The following GALNT18 variants were observed in gnomAD, a reference collection of about 807,000 sequenced individuals.
GALNT18 encodes polypeptide N-acetylgalactosaminyltransferase 18.
Under a neutral mutation model 69.5 loss-of-function variants are expected in GALNT18, and 44 were observed. The ratio of observed to expected loss-of-function variants is 0.63; its 90% confidence interval spans 0.50 to 0.81. GALNT18 has a LOEUF of 0.81. Ranked by LOEUF, GALNT18 falls within the 40% of genes least tolerant of loss-of-function variation. GALNT18 has a pLI of 0.00. For synonymous variants in GALNT18, 364 were observed against 318.2 expected (o/e 1.14, Z -1.53); for missense variants, 715 against 810.0 (o/e 0.88, Z 1.42).
At chr11:11,346,682 G>A (rs1466588809) in intron 6 of GALNT18, among the ~76,000 whole-genome samples, 1 of 152,064 alleles carries the variant, frequency 6.6e-6, no homozygotes, top group Non-Finnish European at 1.5e-5. Context: ...GGAGCTGCTG[G>A]GACCACCTCC....
At position 11,597,767 on chromosome 11, in the gene GALNT18, T is replaced by C. The variant is rs546915561; in HGVS notation, c.235+23592A>G. ...GCTCCACCTCCCAGGTTCATAGCAT[T>C]CTCCTGCCTCAGCCTCCTGAGTAGC... On this transcript the variant is annotated intron_variant, in intron 1 of 10. Transcript: ENST00000227756. 8.6e-5 allele frequency among the ~76,000 whole-genome samples: 13 copies of C among 151,978 alleles called. 1 individual carries two copies. The highest frequency in any genetic ancestry group is 6.6e-4 in the Admixed American group (10 of 15,264).
intron 1 of GALNT18, among the ~76,000 whole-genome samples, chr11:11,478,822 T>C (rs566353500): frequency 6.6e-6 from 1 of 151,376 alleles, no homozygotes; most frequent in South Asian, 2.1e-4. Context: ...CTATGTGAAT[T>C]TGGCCAACAG....
chr11:11,615,567 C>T (rs905460309), intron 1 of GALNT18, among the ~76,000 whole-genome samples: 5 of 152,142 alleles, frequency 3.3e-5, no homozygotes, highest in Admixed American at 2.6e-4. Flanking sequence ...GATTTATTTA[C>T]TCTCCTGAAT....
At chr11:11,549,035 A>C (rs1304663623) in intron 1 of GALNT18, among the ~76,000 whole-genome samples, 1 of 152,230 alleles carries the variant, frequency 6.6e-6, no homozygotes, top group Admixed American at 6.5e-5. Flanking sequence ...GTGCCTATGT[A>C]ACTACAGTAT....
chr11:11,582,881 A>G lies in GALNT18; in HGVS notation c.235+38478T>C, dbSNP rs1418329786. 6.6e-6 allele frequency among the ~76,000 whole-genome samples: 1 copy of G among 152,170 alleles called. No homozygotes were observed. The highest frequency in any genetic ancestry group is 6.5e-5 in the Admixed American group (1 of 15,282). ...GCACCTCTTTCTCCAACTCCTCACC[A>G]CAGCCACAGAGCACAGCCACTGCCA... On this transcript the variant is annotated intron_variant, in intron 1 of 10. Transcript: ENST00000227756. This position sits in a 1 kb window ranked among gnomAD's most constrained non-coding sequence, Gnocchi z 5.0.
intron 10 of GALNT18, among the ~76,000 whole-genome samples, chr11:11,272,705 C>T (rs1054323282): frequency 3.3e-5 from 5 of 152,196 alleles, no homozygotes; most frequent in South Asian, 2.1e-4. Context: ...TCAACTCCTC[C>T]ATTTCCTCCA....
intron 3 of GALNT18, among the ~76,000 whole-genome samples, chr11:11,410,636 G>C (rs1854705677): frequency 6.6e-6 from 1 of 152,158 alleles, no homozygotes; most frequent in Non-Finnish European, 1.5e-5. Flanking sequence ...AGTTTTCAAT[G>C]ACACACCTGA....
chr11:11,602,260 C>T lies in GALNT18; in HGVS notation c.235+19099G>A, dbSNP rs937294685. ...TGTCTCTCCTGTTATGAAACCTCCA[C>T]CCTACATGTGAGCCAGGGATAGGGG... On this transcript the variant is annotated intron_variant, in intron 1 of 10. Transcript: ENST00000227756. This position sits in a 1 kb window ranked among gnomAD's most constrained non-coding sequence, Gnocchi z 4.7. Among the ~76,000 whole-genome samples the T allele has an allele frequency of 3.9e-5, 6 of 152,134 alleles. No homozygotes were observed. Among genetic ancestry groups the T allele is most frequent in the Admixed American group, 2.0e-4 (3 of 15,274 alleles).
chr11:11,499,137 T>C (rs1054614536), intron 1 of GALNT18, among the ~76,000 whole-genome samples: 2 of 152,180 alleles, frequency 1.3e-5, no homozygotes, highest in African/African-American at 4.8e-5. Flanking sequence ...TCAGCTTTAT[T>C]ATATGATCAG....
intron 10 of GALNT18, among the ~76,000 whole-genome samples, chr11:11,283,450 T>C (rs1026567699): frequency 2.0e-5 from 3 of 152,178 alleles, no homozygotes; most frequent in Admixed American, 6.5e-5. Flanking sequence ...TTAATCTGAA[T>C]GACAGGGCCA....
rs898162584 is a variant in GALNT18, at chr11:11,480,945, T to C, written c.236-32009A>G. ...ACCTACAGCCCTGGGCAACCTCATG[T>C]GACTGGGGAGCCCTTCTTTGTGGAC... On this transcript the variant is annotated intron_variant, in intron 1 of 10. Coordinates refer to ENST00000227756, the MANE Select transcript of GALNT18 (RefSeq NM_198516.3). This position sits in a 1 kb window ranked among gnomAD's most constrained non-coding sequence, Gnocchi z 4.6. 4.6e-5 allele frequency among the ~76,000 whole-genome samples: 7 copies of C among 152,214 alleles called. No individual in the cohort carries two copies. The highest frequency in any genetic ancestry group is 1.7e-4 in the African/African-American group (7 of 41,458).
chr11:11,323,554 C>T (rs779732572), intron 9 of GALNT18, among the ~76,000 whole-genome samples: 20 of 152,234 alleles, frequency 1.3e-4, no homozygotes, highest in Non-Finnish European at 1.5e-4. Context: ...GGCCCTGGCC[C>T]TTAGGCTAGA....
At chr11:11,557,536 T>C (rs1180228640) in intron 1 of GALNT18, among the ~76,000 whole-genome samples, 1 of 152,176 alleles carries the variant, frequency 6.6e-6, no homozygotes, top group Non-Finnish European at 1.5e-5. Flanking sequence ...CTCAGTTTCC[T>C]CATCTGAAAA....
chr11:11,537,771 A>G (rs1337171698), intron 1 of GALNT18, among the ~76,000 whole-genome samples: 1 of 152,210 alleles, frequency 6.6e-6, no homozygotes, highest in Non-Finnish European at 1.5e-5. Context: ...AATAAAAGGG[A>G]GCATAACCCA....
intron 1 of GALNT18, among the ~76,000 whole-genome samples, chr11:11,534,471 C>G (rs1000288107): frequency 3.3e-5 from 5 of 152,214 alleles, no homozygotes; most frequent in African/African-American, 1.2e-4. Context: ...AGACCCTGTG[C>G]TGGATGCTGC....
At chr11:11,292,992 G>C in intron 10 of GALNT18, 37 bp downstream of exon 10, 1 of 1,334,156 alleles carries the variant, frequency 7.5e-7, no homozygotes, top group Non-Finnish European at 9.7e-7. Flanking sequence ...GGTTTTCCAC[G>C]ATGGCTGCCA....
In GALNT18 at chr11:11,562,346, A is replaced by G. The variant is rs1460097017; in HGVS notation, c.235+59013T>C. On this transcript the variant is annotated intron_variant, in intron 1 of 10. Transcript: ENST00000227756. This position sits in a 1 kb window ranked among gnomAD's most constrained non-coding sequence, Gnocchi z 4.1. ...GTCCATGTTTCCCCTTTAGATGTGC[A>G]CACCCGTCATATTGGATTGGGGCCC... 6.6e-6 allele frequency among the ~76,000 whole-genome samples: 1 copy of G among 151,960 alleles called. No homozygotes were observed. Among genetic ancestry groups the G allele is most frequent in the Admixed American group, 6.6e-5 (1 of 15,242 alleles).
intron 9 of GALNT18, among the ~76,000 whole-genome samples, chr11:11,295,156 CA>C (rs142244656): frequency 3.8e-4 from 58 of 152,282 alleles, no homozygotes; most frequent in African/African-American, 1.3e-3. Flanking sequence ...TCCTTCACGG[CA>C]GATTCTTCCT....
chr11:11,282,208 C>T (rs1164742988), intron 10 of GALNT18, among the ~76,000 whole-genome samples: 1 of 152,170 alleles, frequency 6.6e-6, no homozygotes, highest in African/African-American at 2.4e-5. Context: ...ATTTCATTCA[C>T]AAACATTGCA....
Sources: allele counts gnomAD v4.1 joint callset (sites outside exome capture counted in the v4.1 genomes callset), GRCh38; gene constraint gnomAD v4.1.1; non-coding constraint Gnocchi (gnomAD v3.1); transcripts MANE v1.5; gene names NCBI Gene and HGNC (gene_info 2026-07-23, HGNC 2026-07-21).